JAKMIP1: variants seen among roughly 807,000 people sequenced by gnomAD.
JAKMIP1 encodes the protein janus kinase and microtubule interacting protein 1.
A neutral mutation model predicts 113.0 loss-of-function variants in JAKMIP1; 33 were observed. That is an observed-to-expected ratio of 0.29 (90% CI 0.22 to 0.39). The LOEUF is 0.39. Among genes scored for constraint, JAKMIP1 ranks in the 10% least tolerant of loss-of-function variants. The pLI, the probability that JAKMIP1 is intolerant of heterozygous loss-of-function variation, is 1.00. For synonymous variants in JAKMIP1, 480 were observed against 459.9 expected (o/e 1.04, Z -0.56); for missense variants, 813 against 1,080.5 (o/e 0.75, Z 3.47).
intron 12 of JAKMIP1, among the ~76,000 whole-genome samples, chr4:6,055,319 G>A (rs371268632): frequency 1.3e-5 from 2 of 152,176 alleles, no homozygotes; most frequent in South Asian, 2.1e-4. Context: ...ACTGCATTGC[G>A]GTGATGGTTG....
chr4:6,095,060 A>G (rs1196821849), intron 3 of JAKMIP1, among the ~76,000 whole-genome samples: 1 of 132,856 alleles, frequency 7.5e-6, no homozygotes, highest in Non-Finnish European at 1.6e-5. Context: ...GAAGGAAAGA[A>G]GGAAAGTGGA....
chr4:6,122,358 A>G (rs1716836855), intron 1 of JAKMIP1, among the ~76,000 whole-genome samples: 1 of 152,170 alleles, frequency 6.6e-6, no homozygotes, highest in Admixed American at 6.5e-5. Flanking sequence ...GCGTAGACAA[A>G]TATTTACAAT....
At chr4:6,171,815 A>G (rs1724766289) in intron 1 of JAKMIP1, among the ~76,000 whole-genome samples, 16 of 152,292 alleles carry the variant, frequency 1.1e-4, no homozygotes, top group Admixed American at 1.0e-3. Context: ...GAATGTGTTG[A>G]CAATCCCTGA....
chr4:6,099,682 A>G (rs1442370678), intron 3 of JAKMIP1, among the ~76,000 whole-genome samples: 1 of 152,232 alleles, frequency 6.6e-6, no homozygotes, highest in East Asian at 1.9e-4. Context: ...TTCCCTTCCA[A>G]GAGAACTAAA....
intron 1 of JAKMIP1, among the ~76,000 whole-genome samples, chr4:6,128,101 G>A (rs937893739): frequency 2.0e-5 from 3 of 152,300 alleles, no homozygotes; most frequent in South Asian, 2.1e-4. Context: ...CTCCACCTGC[G>A]GGTGAAGATG....
rs1186221747 is a variant in JAKMIP1 at position 6,049,418 on chromosome 4, C to A, written c.1962+401G>T. ...TCGCTAATGGGGCCAGCGCCTCAGG[C>A]AGACAGCTCCTGTCCCTCTGGTTGG... On this transcript the variant is annotated intron_variant, in intron 15 of 20. Transcript: ENST00000409021. This position sits in a 1 kb window ranked among gnomAD's most constrained non-coding sequence, Gnocchi z 7.0. Among the ~76,000 whole-genome samples the A allele has an allele frequency of 2.6e-5, 4 of 152,302 alleles. No individual in the cohort carries two copies. The highest frequency in any genetic ancestry group is 5.9e-5 in the Non-Finnish European group (4 of 68,032).
At chr4:6,060,295 C>T in intron 11 of JAKMIP1, 129 bp downstream of exon 11, 1 of 730,522 alleles carries the variant, frequency 1.4e-6, no homozygotes, top group East Asian at 2.5e-5. Context: ...GTGTTTTTTC[C>T]TCTAGCGTCT....
intron 16 of JAKMIP1, among the ~76,000 whole-genome samples, chr4:6,043,657 C>T (rs1203952182): frequency 6.6e-6 from 1 of 152,042 alleles, no homozygotes; most frequent in African/African-American, 2.4e-5. Flanking sequence ...TTCTCAAACC[C>T]ACCCGCAGCA....
intron 1 of JAKMIP1, among the ~76,000 whole-genome samples, chr4:6,171,645 TG>T (rs1408528705): frequency 6.6e-6 from 1 of 152,060 alleles, no homozygotes; most frequent in African/African-American, 2.4e-5. Flanking sequence ...TGCACAACAG[TG>T]ATAGGTGTGG....
At chr4:6,152,765 A>C (rs963463523) in intron 1 of JAKMIP1, among the ~76,000 whole-genome samples, 9 of 144,264 alleles carry the variant, frequency 6.2e-5, no homozygotes, top group Non-Finnish European at 1.2e-4. Context: ...AACATGGCGA[A>C]ACTCTGTCTC....
rs1726786288 is a variant in JAKMIP1, at chr4:6,187,553, A to G, written c.-148+12700T>C. On this transcript the variant is annotated intron_variant, in intron 1 of 20. Transcript: ENST00000409021. This position sits in a 1 kb window ranked among gnomAD's most constrained non-coding sequence, Gnocchi z 4.2. ...TGAGATTAGTGCCTTTGTAAAAGAA[A>G]CCCTAGGGAGCTAGCTCACCCCTTC... Among the ~76,000 whole-genome samples, 1 of 152,212 alleles carries G rather than the reference A, an allele frequency of 6.6e-6. No homozygotes were observed. Among genetic ancestry groups the G allele is most frequent in the African/African-American group, 2.4e-5 (1 of 41,458 alleles).
In JAKMIP1 at chr4:6,106,255, T is replaced by C. The variant is rs897742834; in HGVS notation, c.130-288A>G. Among the ~76,000 whole-genome samples, 1 of 152,174 alleles carries C rather than the reference T, an allele frequency of 6.6e-6. No homozygotes were observed. Among genetic ancestry groups the C allele is most frequent in the Non-Finnish European group, 1.5e-5 (1 of 68,024 alleles). On this transcript the variant is annotated intron_variant, in intron 2 of 20. Coordinates refer to ENST00000409021, the MANE Select transcript of JAKMIP1 (RefSeq NM_001099433.2). The surrounding 1 kb of genome is among the most constrained non-coding windows in gnomAD (Gnocchi z 5.9). ...TTTGACATCTCTTCCAGGTTGTAAA[T>C]TGAGACGACTGCTCAATCACAAAAC...
At position 6,156,824 on chromosome 4, in the gene JAKMIP1, T is replaced by C. The variant is rs567464629; in HGVS notation, c.-148+43429A>G. 2.0e-5 allele frequency among the ~76,000 whole-genome samples: 3 copies of C among 152,346 alleles called. No homozygotes were observed. Among genetic ancestry groups the C allele is most frequent in the Admixed American group, 6.5e-5 (1 of 15,300 alleles). On this transcript the variant is annotated intron_variant, in intron 1 of 20. Transcript: ENST00000409021. The surrounding 1 kb of genome is among the most constrained non-coding windows in gnomAD (Gnocchi z 5.0). ...CATGGCCACACCTGGCACATGGACATGGTCTGCCCATGATAGGTGTTGGTC... is the reference window on the plus strand; with the variant it reads ...CATGGCCACACCTGGCACATGGACACGGTCTGCCCATGATAGGTGTTGGTC...
At chr4:6,028,326 G>A (rs1044792013) in intron 20 of JAKMIP1, among the ~76,000 whole-genome samples, 41 of 152,354 alleles carry the variant, frequency 2.7e-4, no homozygotes, top group African/African-American at 9.4e-4. Context: ...GTTCCCATGA[G>A]AGCAACAAGG....
At position 6,088,196 on chromosome 4, in the gene JAKMIP1, T is replaced by C. The variant is rs181775449; in HGVS notation, c.625-2567A>G. Among the ~76,000 whole-genome samples, 57 of 152,324 alleles carry C rather than the reference T, an allele frequency of 3.7e-4. No individual in the cohort carries two copies. Among genetic ancestry groups the C allele is most frequent in the African/African-American group, 1.3e-3 (55 of 41,568 alleles). ...CCTGCCCTAGGGGCTTCTATTCTGC[T>C]AGTGGGCGGAGCAGGCAATAAACAT... is the stretch of plus-strand genomic sequence containing the variant. On this transcript the variant is annotated intron_variant, in intron 3 of 20. Transcript: ENST00000409021. This position sits in a 1 kb window ranked among gnomAD's most constrained non-coding sequence, Gnocchi z 5.5.
rs1553821445 is a variant in JAKMIP1 at position 6,081,014 on chromosome 4, C to CACACACACACACACACACACACACA, written c.1101+594_1101+595insTGTGTGTGTGTGTGTGTGTGTGTGT. Among the ~76,000 whole-genome samples the CACACACACACACACACACACACACA allele has an allele frequency of 3.3e-5, 5 of 151,236 alleles. No individual in the cohort carries two copies. Among genetic ancestry groups the CACACACACACACACACACACACACA allele is most frequent in the African/African-American group, 1.2e-4 (5 of 41,150 alleles). On this transcript the variant is annotated intron_variant, in intron 6 of 20. Transcript: ENST00000409021. This position sits in a 1 kb window ranked among gnomAD's most constrained non-coding sequence, Gnocchi z 4.6. Reference sequence around the variant, plus strand: ...ACACACACACACACACACACACACACCTGCATCTGCTACAGTGCAGACAGC... The same window carrying CACACACACACACACACACACACACA: ...ACACACACACACACACACACACACACACACACACACACACACACACACACACTGCATCTGCTACAGTGCAGACAGC...
In JAKMIP1 at chr4:6,051,363, C is replaced by G. The variant is rs1036987478; in HGVS notation, c.1807-684G>C. On this transcript the variant is annotated intron_variant, in intron 13 of 20. Transcript: ENST00000409021. The surrounding 1 kb of genome is among the most constrained non-coding windows in gnomAD (Gnocchi z 5.0). ...TCAGCCTCCCAAGTAGCTGGGATTA[C>G]AGGCACGCGCCACCACACCGGGCTA... Among the ~76,000 whole-genome samples, 3 of 152,158 alleles carry G rather than the reference C, an allele frequency of 2.0e-5. No individual in the cohort carries two copies. Among genetic ancestry groups the G allele is most frequent in the Non-Finnish European group, 2.9e-5 (2 of 68,032 alleles).
In JAKMIP1 at chr4:6,160,652, CCATT is replaced by C. The variant is rs1722790877; in HGVS notation, c.-148+39597_-148+39600del. ...AGACTCTCAACACGCTTGCTCATCCCCATTCAAACAAAACATCTCTTCCTGTGTC... is the reference window on the plus strand; with the variant it reads ...AGACTCTCAACACGCTTGCTCATCCCCAAACAAAACATCTCTTCCTGTGTC... On this transcript the variant is annotated intron_variant, in intron 1 of 20. Coordinates refer to ENST00000409021, the MANE Select transcript of JAKMIP1 (RefSeq NM_001099433.2). 2.0e-5 allele frequency among the ~76,000 whole-genome samples: 3 copies of C among 152,220 alleles called. No individual in the cohort carries two copies. In the South Asian group the frequency reaches 6.2e-4, roughly 32 times the overall value.
intron 1 of JAKMIP1, among the ~76,000 whole-genome samples, chr4:6,196,865 A>C (rs1286354864): frequency 6.6e-6 from 1 of 151,978 alleles, no homozygotes; most frequent in African/African-American, 2.4e-5. Flanking sequence ...CTGTCAAAAA[A>C]AAAAAAAAAA....
Sources: allele counts gnomAD v4.1 joint callset (sites outside exome capture counted in the v4.1 genomes callset), GRCh38; gene constraint gnomAD v4.1.1; non-coding constraint Gnocchi (gnomAD v3.1); transcripts MANE v1.5; gene names NCBI Gene and HGNC (gene_info 2026-07-23, HGNC 2026-07-21).